The following PLEKHA5 variants were observed in gnomAD, a reference collection of about 807,000 sequenced individuals.
PLEKHA5 encodes pleckstrin homology domain containing A5.
PLEKHA5 carries 55 observed loss-of-function variants against 181.9 expected under a neutral mutation model. The ratio of observed to expected loss-of-function variants is 0.30; its 90% CI spans 0.24 to 0.38. The LOEUF (loss-of-function observed/expected upper bound fraction) is 0.38, where lower values mean the gene tolerates loss of function less well. Among genes scored for constraint, PLEKHA5 ranks in the 10% least tolerant of loss-of-function variants. The pLI, the probability that PLEKHA5 is intolerant of heterozygous loss-of-function variation, is 1.00. For missense variants in PLEKHA5, 1,432 were observed against 1,549.5 expected (o/e 0.92, Z 1.27); for synonymous variants, 535 against 529.4 (o/e 1.01, Z -0.15).
At position 19,346,991 on chromosome 12, in the gene PLEKHA5, T is replaced by A; in HGVS notation, c.2710-3T>A. 6.5e-7 allele frequency: 1 copy of A among 1,542,236 alleles called. No homozygotes were observed. Among genetic ancestry groups the A allele is most frequent in the Non-Finnish European group, 8.8e-7 (1 of 1,140,686 alleles). ...AATAAGGTGACTGTTCTACAATCTT[T>A]AGGAAGAGGAAGTAGTCCCACCTCG... On this transcript the variant is annotated splice_region_variant and splice_polypyrimidine_tract_variant and intron_variant, in intron 23 of 31. Coordinates refer to ENST00000429027, the MANE Select transcript of PLEKHA5 (RefSeq NM_001256470.2).
At chr12:19,283,149 C>CAACAA in intron 11 of PLEKHA5, 131 bp from the exon 12 acceptor site, 1 of 178,748 alleles carries the variant, frequency 5.6e-6, no homozygotes, top group Non-Finnish European at 9.5e-6. Context: ...TCTTGTCTCC[C>CAACAA]AAAAAAAAAA....
At chr12:19,342,906 T>A (rs1374289903) in intron 21 of PLEKHA5, among the ~76,000 whole-genome samples, 1 of 152,194 alleles carries the variant, frequency 6.6e-6, no homozygotes, top group Non-Finnish European at 1.5e-5. Context: ...CACCTTCCAT[T>A]TCTCACCCAT....
rs548500034 is a variant in PLEKHA5, at chr12:19,359,557, T to A, written c.3483+11T>A. ...GACTTCAGCAAAGAGGTAGCGAGAT[T>A]ATTTTATGAAAGGTATTCCAAAGGA... On this transcript the variant is annotated intron_variant, in intron 28 of 31. Coordinates refer to ENST00000429027, the MANE Select transcript of PLEKHA5 (RefSeq NM_001256470.2). 1.9e-6 allele frequency: 3 copies of A among 1,612,356 alleles called. No homozygotes were observed. The African/African-American group carries it at 4.0e-5, about 22-fold the overall frequency.
At chr12:19,232,152 T>G (rs1439246752) in intron 3 of PLEKHA5, among the ~76,000 whole-genome samples, 1 of 152,162 alleles carries the variant, frequency 6.6e-6, no homozygotes, top group Non-Finnish European at 1.5e-5. Context: ...GTTAGTCCAG[T>G]CTCCATGAGT....
chr12:19,294,566 T>G (rs1275047404), intron 15 of PLEKHA5, among the ~76,000 whole-genome samples: 2 of 152,210 alleles, frequency 1.3e-5, no homozygotes, highest in Non-Finnish European at 2.9e-5. Flanking sequence ...ATCATCAGAA[T>G]AACCCAAGAC....
intron 3 of PLEKHA5, among the ~76,000 whole-genome samples, chr12:19,246,820 G>A (rs921864950): frequency 1.3e-5 from 2 of 152,094 alleles, no homozygotes; most frequent in Admixed American, 6.6e-5. Context: ...TTGTCAGTTA[G>A]TACTTAATTC....
chr12:19,347,262 A>C, intron 24 of PLEKHA5, 80 bp downstream of exon 24: 1 of 831,370 alleles, frequency 1.2e-6, no homozygotes, highest in Non-Finnish European at 1.8e-6. Flanking sequence ...TTACACTCAA[A>C]CTTTTTTTTT....
chr12:19,275,075 T>A (rs2279537), intron 11 of PLEKHA5, 92 bp downstream of exon 11: 575,273 of 767,720 alleles, frequency 0.75, 223,505 homozygotes, highest in Non-Finnish European at 0.82. Context: ...AATATTGGTT[T>A]AAATTGTGTT....
chr12:19,203,230 G>A (rs1226192284), intron 3 of PLEKHA5, among the ~76,000 whole-genome samples: 1 of 152,034 alleles, frequency 6.6e-6, no homozygotes, highest in Non-Finnish European at 1.5e-5. Flanking sequence ...GTACTATGCC[G>A]GTGTGACTGG....
At position 19,283,605 on chromosome 12, in the gene PLEKHA5, A is replaced by G; in HGVS notation, c.1639A>G (p.Ile547Val). 6.2e-7 allele frequency: 1 copy of G among 1,614,112 alleles called. No homozygotes were observed. Among genetic ancestry groups the G allele is most frequent in the Non-Finnish European group, 8.5e-7 (1 of 1,179,984 alleles). Reference protein sequence around the residue: ...VNISDQTMHSIPTSPSHGSIA... With the variant: ...VNISDQTMHSVPTSPSHGSIA... ...TATTTCTGACCAGACAATGCACTCTATTCCCACATCACCTTCCCACGGGTC... is the reference window on the plus strand; with the variant it reads ...TATTTCTGACCAGACAATGCACTCTGTTCCCACATCACCTTCCCACGGGTC... The change falls in exon 12 of 32, where the codon ATT becomes GTT. Residue 547 changes from isoleucine (I) to valine (V), a missense_variant. Physicochemically the swap from Ile to Val is conservative, Grantham distance 29 (BLOSUM62 3). Around this residue, in one of 2 missense-constraint regions of PLEKHA5, gnomAD observed 1,143 missense variants for 1,168.4 expected, o/e 0.98. Coordinates refer to ENST00000429027, the MANE Select transcript of PLEKHA5 (RefSeq NM_001256470.2).
chr12:19,175,855 A>T (rs143309735), intron 3 of PLEKHA5, among the ~76,000 whole-genome samples: 10 of 152,202 alleles, frequency 6.6e-5, no homozygotes, highest in African/African-American at 2.4e-4. Context: ...CATATTTAGT[A>T]CCAAGATACA....
intron 12 of PLEKHA5, among the ~76,000 whole-genome samples, chr12:19,285,992 T>C (rs750277947): frequency 2.7e-4 from 41 of 152,216 alleles, no homozygotes; most frequent in Non-Finnish European, 5.4e-4. Flanking sequence ...AGACACACTT[T>C]CTCAAAGTGA....
At chr12:19,217,220 C>A (rs1034028464) in intron 3 of PLEKHA5, among the ~76,000 whole-genome samples, 1 of 152,154 alleles carries the variant, frequency 6.6e-6, no homozygotes, top group Non-Finnish European at 1.5e-5. Context: ...CCATAAACAC[C>A]TACTATGTGT....
intron 25 of PLEKHA5, among the ~76,000 whole-genome samples, chr12:19,351,317 G>T (rs188040014): frequency 8.2e-4 from 125 of 152,090 alleles, no homozygotes; most frequent in African/African-American, 2.9e-3. Context: ...CAGATGGATT[G>T]CTTGAGTCCA....
At chr12:19,282,736 C>T (rs543101784) in intron 11 of PLEKHA5, among the ~76,000 whole-genome samples, 1 of 152,182 alleles carries the variant, frequency 6.6e-6, no homozygotes, top group Non-Finnish European at 1.5e-5. Flanking sequence ...AAGTATAATA[C>T]TCTTTCATCT....
At chr12:19,205,808 A>G (rs188577688) in intron 3 of PLEKHA5, among the ~76,000 whole-genome samples, 16 of 152,176 alleles carry the variant, frequency 1.1e-4, no homozygotes, top group South Asian at 4.1e-4. Flanking sequence ...TGAAATTACA[A>G]TTTTTGCTTT....
At chr12:19,284,403 C>A (rs1005341309) in intron 12 of PLEKHA5, among the ~76,000 whole-genome samples, 1 of 152,078 alleles carries the variant, frequency 6.6e-6, no homozygotes, top group African/African-American at 2.4e-5. Flanking sequence ...TTTTTACACA[C>A]TTGGAAATTC....
At position 19,333,341 on chromosome 12, in the gene PLEKHA5, A is replaced by G. The variant is rs548113114; in HGVS notation, c.2449-3174A>G. Reference sequence around the variant, plus strand: ...ATGGGTGTAATCCCAGCACTTTGGGAGGCTGAGGCAGGCGGATCATGAGGT... The same window carrying G: ...ATGGGTGTAATCCCAGCACTTTGGGGGGCTGAGGCAGGCGGATCATGAGGT... On this transcript the variant is annotated intron_variant, in intron 20 of 31. Coordinates refer to ENST00000429027, the MANE Select transcript of PLEKHA5 (RefSeq NM_001256470.2). Among the ~76,000 whole-genome samples the G allele has an allele frequency of 7.9e-5, 12 of 152,026 alleles. No homozygotes were observed. The South Asian group carries it at 2.5e-3, about 32-fold the overall frequency.
chr12:19,287,329 A>C, intron 12 of PLEKHA5, 144 bp from the exon 13 acceptor site: 2 of 673,892 alleles, frequency 3.0e-6, no homozygotes, highest in Non-Finnish European at 5.3e-6. Flanking sequence ...ATGTCAAGAA[A>C]TGTTAGTCTC....
Sources: allele counts gnomAD v4.1 joint callset (sites outside exome capture counted in the v4.1 genomes callset), GRCh38; gene constraint gnomAD v4.1.1; regional missense constraint gnomAD v4.1.1; transcripts MANE v1.5; gene names NCBI Gene and HGNC (gene_info 2026-07-23, HGNC 2026-07-21).